The following ABCC1 variants were observed in gnomAD, a reference collection of about 807,000 sequenced individuals.
ABCC1 encodes multidrug resistance-associated protein 1.
Under a neutral mutation model 172.9 loss-of-function variants are expected in ABCC1, and 83 were observed. The ratio of observed to expected loss-of-function variants is 0.48; its 90% confidence interval spans 0.40 to 0.58. The LOEUF (loss-of-function observed/expected upper bound fraction) is 0.58. ABCC1 is among the 20% of genes least tolerant of loss of function. ABCC1 has a pLI of 0.00. For missense variants in ABCC1, 1,817 were observed against 2,002.7 expected, an observed-to-expected ratio of 0.91 and a Z score of 1.77; for synonymous variants, 937 against 825.2, an observed-to-expected ratio of 1.14 and a Z score of -2.32.
intron 26 of ABCC1, among the ~76,000 whole-genome samples, chr16:16,128,851 T>C (rs117479813): frequency 0.024 from 3,661 of 152,216 alleles, 66 homozygotes; most frequent in Middle Eastern, 0.044. Flanking sequence ...CAAAAATTAG[T>C]TGGCATGGTG....
At position 16,138,564 on chromosome 16, in the gene ABCC1, G is replaced by A; in HGVS notation, c.4487+6G>A. 1.3e-6 allele frequency: 2 copies of A among 1,574,308 alleles called. No homozygotes were observed. The highest frequency in any genetic ancestry group is 8.7e-7 in the Non-Finnish European group (1 of 1,151,832). On this transcript the variant is annotated splice_donor_region_variant and intron_variant, in intron 30 of 30. Transcript: ENST00000399410. ...ACCATCATGGACTACACAAGGTGAT[G>A]CCACTGGCACAGTGGCCTCTAGGCT...
chr16:15,970,016 G>A (rs559617901), intron 1 of ABCC1, among the ~76,000 whole-genome samples: 2 of 152,262 alleles, frequency 1.3e-5, no homozygotes, highest in Admixed American at 6.5e-5. Context: ...CGTGGTGCCC[G>A]GTGAGTGCAA....
chr16:16,141,272 C>A lies in ABCC1; in HGVS notation c.4587C>A (p.Gly1529=). ...TCTACAGCATGGCCAAAGACGCCGG[C>A]TTGGTGTGAGCCCCAGAGCTGGCAT... ...GLFYSMAKDA[G]LV Residue 1529 remains glycine, a synonymous_variant, in exon 31 of 31, where the codon GGC becomes GGA. Coordinates refer to ENST00000399410, the MANE Select transcript of ABCC1 (RefSeq NM_004996.4). 1 of 1,614,004 alleles carries A rather than the reference C, an allele frequency of 6.2e-7. No individual in the cohort carries two copies. The highest frequency in any genetic ancestry group is 8.5e-7 in the Non-Finnish European group (1 of 1,180,014).
intron 11 of ABCC1, among the ~76,000 whole-genome samples, chr16:16,055,355 G>C (rs2049602998): frequency 6.6e-6 from 1 of 151,958 alleles, no homozygotes; most frequent in African/African-American, 2.4e-5. Flanking sequence ...TTCGAAACCA[G>C]CCTGGCCAAC....
intron 1 of ABCC1, among the ~76,000 whole-genome samples, chr16:15,979,843 C>T (rs1326175257): frequency 6.6e-6 from 1 of 152,112 alleles, no homozygotes; most frequent in Non-Finnish European, 1.5e-5. Context: ...TGTGCCTGGC[C>T]TTGTGATCAC....
At chr16:15,978,050 GTC>G (rs2046531828) in intron 1 of ABCC1, among the ~76,000 whole-genome samples, 1 of 151,660 alleles carries the variant, frequency 6.6e-6, no homozygotes, top group African/African-American at 2.4e-5. Flanking sequence ...TAATATATAA[GTC>G]TCGTCTTCAC....
At chr16:16,031,985 A>C (rs1272802162) in intron 5 of ABCC1, among the ~76,000 whole-genome samples, 7 of 151,872 alleles carry the variant, frequency 4.6e-5, no homozygotes. Context: ...TTTTAAGTTA[A>C]ATTAAATTTT....
intron 20 of ABCC1, among the ~76,000 whole-genome samples, chr16:16,103,224 T>C (rs1335742364): frequency 2.0e-5 from 3 of 152,120 alleles, no homozygotes; most frequent in African/African-American, 7.2e-5. Flanking sequence ...TATAGAGGGC[T>C]TCCTTAGATC....
chr16:16,064,188 A>C (rs1481435018), intron 12 of ABCC1, among the ~76,000 whole-genome samples: 1 of 152,022 alleles, frequency 6.6e-6, no homozygotes, highest in Non-Finnish European at 1.5e-5. Context: ...TTTCTCAGAA[A>C]AGGCACCTAG....
At chr16:15,953,494 ATG>A (rs2045922763) in intron 1 of ABCC1, among the ~76,000 whole-genome samples, 1 of 152,174 alleles carries the variant, frequency 6.6e-6, no homozygotes, top group Admixed American at 6.5e-5. Context: ...CAGTTTCCCT[ATG>A]TGGGATAACG....
intron 20 of ABCC1, chr16:16,105,357 T>C (rs1323860738): frequency 1.3e-5 from 2 of 152,450 alleles, no homozygotes; most frequent in Middle Eastern, 3.4e-3. Flanking sequence ...TTGGTTCCAG[T>C]TGCTCCCTCT....
rs1022341143 is a variant in ABCC1, at chr16:16,122,181, A to G, written c.3590+7A>G. On this transcript the variant is annotated splice_region_variant and intron_variant, in intron 24 of 30. Coordinates refer to ENST00000399410, the MANE Select transcript of ABCC1 (RefSeq NM_004996.4). ...CCAGCATCGTGGCCAACAGGTGGGC[A>G]TGGTGGGCCTGCAGGAGCGGGTGGA... 8 of 1,613,890 alleles carry G rather than the reference A, an allele frequency of 5.0e-6. No individual in the cohort carries two copies. In the Admixed American group the frequency reaches 1.3e-4, roughly 27 times the overall value.
intron 21 of ABCC1, among the ~76,000 whole-genome samples, chr16:16,107,770 C>A (rs1019165970): frequency 2.0e-5 from 3 of 151,704 alleles, no homozygotes; most frequent in Non-Finnish European, 4.4e-5. Context: ...AATAATTCTC[C>A]ATTTATGGTG....
intron 3 of ABCC1, among the ~76,000 whole-genome samples, chr16:16,010,448 T>C (rs964345362): frequency 1.4e-4 from 22 of 152,186 alleles, no homozygotes; most frequent in African/African-American, 5.3e-4. Context: ...CCCCCTTTTG[T>C]TGCGTTTGCC....
In ABCC1 at chr16:16,036,497, C is replaced by T. The variant is rs745356979; in HGVS notation, c.703C>T (p.Pro235Ser). The T allele has an allele frequency of 2.5e-6, 4 of 1,613,708 alleles. No homozygotes were observed. Among genetic ancestry groups the T allele is most frequent in the African/African-American group, 2.7e-5 (2 of 74,924 alleles). Residue 235 changes from proline to serine, a missense_variant, in exon 7 of 31, where the codon CCC (proline) becomes TCC (serine). This residue lies in a region of ABCC1 where 398 missense variants were observed against 384.2 expected (regional missense o/e 1.04). Transcript: ENST00000399410. Reference protein sequence around the residue: ...TGLIVRGYRQPLEGSDLWSLN... With the variant: ...TGLIVRGYRQSLEGSDLWSLN... ...GTTGATTGTCCGGGGCTACCGCCAG[C>T]CCCTGGAGGGCAGTGACCTCTGGTC...
At chr16:16,070,102 C>G (rs902991732) in intron 13 of ABCC1, among the ~76,000 whole-genome samples, 2 of 152,102 alleles carry the variant, frequency 1.3e-5, no homozygotes, top group South Asian at 4.1e-4. Flanking sequence ...CATTTTTTGG[C>G]TGGGCGCAGT....
intron 15 of ABCC1, among the ~76,000 whole-genome samples, chr16:16,078,919 C>T (rs1020404551): frequency 5.9e-5 from 9 of 152,140 alleles, no homozygotes; most frequent in African/African-American, 1.9e-4. Context: ...CCTCGTGATC[C>T]GCCTGCGTTG....
intron 5 of ABCC1, among the ~76,000 whole-genome samples, chr16:16,021,090 G>C (rs530437792): frequency 6.6e-6 from 1 of 152,268 alleles, no homozygotes; most frequent in South Asian, 2.1e-4. Context: ...GGCACACGGT[G>C]GGCCTGTAGT....
chr16:15,949,245 G>A (rs1248679458), upstream of ABCC1, among the ~76,000 whole-genome samples: 2 of 149,128 alleles, frequency 1.3e-5, no homozygotes, highest in African/African-American at 2.4e-5. Flanking sequence ...TAAGGCGCCC[G>A]GTACACTCCA....
Sources: gnomAD v4.1 joint callset for allele counts (sites outside exome capture counted in the v4.1 genomes callset) on GRCh38, gnomAD v4.1.1 for gene constraint, gnomAD v4.1.1 regional missense constraint, MANE v1.5 for transcripts, NCBI Gene and HGNC (gene_info 2026-07-23, HGNC 2026-07-21) for gene names.